The following SPATA17 variants were observed in gnomAD, a reference collection of about 807,000 sequenced individuals.
SPATA17 encodes spermatogenesis-associated protein 17.
A neutral mutation model predicts 62.2 loss-of-function variants in SPATA17; 53 were observed. That is an observed-to-expected ratio of 0.85 (90% CI 0.68 to 1.07). The LOEUF is 1.07. Among genes scored for constraint, SPATA17 ranks in the 50% least tolerant of loss-of-function variants. The pLI, the probability that SPATA17 is intolerant of heterozygous loss-of-function variation, is 0.00. For missense variants in SPATA17, 466 were observed against 425.5 expected (o/e 1.10, Z -0.84); for synonymous variants, 146 against 146.8 (o/e 0.99, Z 0.04).
intron 6 of SPATA17, among the ~76,000 whole-genome samples, chr1:217,772,899 A>G (rs1292322177): frequency 6.6e-6 from 1 of 152,194 alleles, no homozygotes; most frequent in Non-Finnish European, 1.5e-5. Context: ...CATTTGGTAT[A>G]GGACACTGCG....
At chr1:217,794,791 C>T (rs1028767532) in intron 8 of SPATA17, among the ~76,000 whole-genome samples, 1 of 152,298 alleles carries the variant, frequency 6.6e-6, no homozygotes, top group East Asian at 1.9e-4. Context: ...AGCTTCTCAA[C>T]AACAGAGCCC....
chr1:217,784,713 G>T (rs1673816555), intron 8 of SPATA17, among the ~76,000 whole-genome samples: 1 of 152,092 alleles, frequency 6.6e-6, no homozygotes, highest in Admixed American at 6.6e-5. Context: ...ATGTAATTCT[G>T]CATTTAAGAC....
At chr1:217,730,549 A>G (rs1444303913) in intron 5 of SPATA17, among the ~76,000 whole-genome samples, 5 of 152,118 alleles carry the variant, frequency 3.3e-5, no homozygotes, top group Non-Finnish European at 7.4e-5. Context: ...TTGTTTTCAA[A>G]TACAAAAAAG....
chr1:217,803,634 T>C (rs1411764739), intron 9 of SPATA17, among the ~76,000 whole-genome samples: 2 of 152,212 alleles, frequency 1.3e-5, no homozygotes, highest in African/African-American at 4.8e-5. Context: ...AAAAATTTAA[T>C]ATTGTTAAAA....
At position 217,782,171 on chromosome 1, in the gene SPATA17, CA is replaced by C. The variant is rs1425730255; in HGVS notation, c.724-2del. ...AAATATGTTCCTCATCCTGTCTTGT[CA>C]GGGGCCCTTCCGAGATATCACCGAA... On this transcript the variant is annotated splice_acceptor_variant, in intron 7 of 10. Transcript: ENST00000366933. LOFTEE classifies it high-confidence loss of function. The C allele has an allele frequency of 3.2e-6, 5 of 1,584,760 alleles. No individual in the cohort carries two copies. The highest frequency in any genetic ancestry group is 4.3e-6 in the Non-Finnish European group (5 of 1,168,320).
intron 7 of SPATA17, among the ~76,000 whole-genome samples, chr1:217,775,519 A>G (rs1673567049): frequency 6.6e-6 from 1 of 152,156 alleles, no homozygotes; most frequent in Non-Finnish European, 1.5e-5. Context: ...CCTGGACAAC[A>G]TGGTGAAACC....
chr1:217,744,900 G>A (rs1672712193), intron 6 of SPATA17, among the ~76,000 whole-genome samples: 1 of 152,152 alleles, frequency 6.6e-6, no homozygotes, highest in African/African-American at 2.4e-5. Context: ...TAAATGTAAT[G>A]TATTTAAAGC....
chr1:217,675,295 C>T (rs1424819642), intron 4 of SPATA17, among the ~76,000 whole-genome samples: 2 of 152,152 alleles, frequency 1.3e-5, no homozygotes, highest in Non-Finnish European at 2.9e-5. Context: ...CAGCTGAATG[C>T]CCTGCAATTC....
intron 9 of SPATA17, among the ~76,000 whole-genome samples, chr1:217,847,058 A>G (rs1339819959): frequency 6.6e-6 from 1 of 152,008 alleles, no homozygotes; most frequent in Admixed American, 6.6e-5. Context: ...TATTCAAGAA[A>G]TTATTTTTCT....
intron 9 of SPATA17, among the ~76,000 whole-genome samples, chr1:217,810,859 C>A (rs1030785025): frequency 6.6e-6 from 1 of 152,002 alleles, no homozygotes; most frequent in African/African-American, 2.4e-5. Context: ...TGAGAACTCA[C>A]TCACTGTCAC....
chr1:217,666,345 G>A (rs1670694122), intron 3 of SPATA17, among the ~76,000 whole-genome samples: 1 of 151,954 alleles, frequency 6.6e-6, no homozygotes, highest in South Asian at 2.1e-4. Flanking sequence ...AATTTTTTAA[G>A]AACTAGAGCC....
intron 6 of SPATA17, among the ~76,000 whole-genome samples, chr1:217,757,202 A>G (rs1673066964): frequency 6.6e-6 from 1 of 152,182 alleles, no homozygotes; most frequent in Admixed American, 6.5e-5. Context: ...CAATACATAA[A>G]TCCCCTTTTT....
intron 9 of SPATA17, among the ~76,000 whole-genome samples, chr1:217,814,203 G>A (rs1674661913): frequency 6.6e-6 from 1 of 152,150 alleles, no homozygotes; most frequent in African/African-American, 2.4e-5. Flanking sequence ...TCATTTAAGT[G>A]ATGAACAAAC....
intron 9 of SPATA17, among the ~76,000 whole-genome samples, chr1:217,848,158 A>C (rs1437703341): frequency 6.6e-6 from 1 of 152,204 alleles, no homozygotes; most frequent in Non-Finnish European, 1.5e-5. Context: ...TTATTGATAT[A>C]AAAGTTAAAA....
At chr1:217,715,904 T>C (rs886683748) in intron 5 of SPATA17, among the ~76,000 whole-genome samples, 1 of 152,234 alleles carries the variant, frequency 6.6e-6, no homozygotes, top group African/African-American at 2.4e-5. Flanking sequence ...TGTTAAATGC[T>C]GTCTTTGTAG....
intron 6 of SPATA17, among the ~76,000 whole-genome samples, chr1:217,766,001 T>C (rs1439596428): frequency 6.6e-6 from 1 of 151,986 alleles, no homozygotes; most frequent in Non-Finnish European, 1.5e-5. Context: ...ATTATTGTTA[T>C]CCTGGTATAT....
At chr1:217,776,860 G>T (rs767210790) in intron 7 of SPATA17, among the ~76,000 whole-genome samples, 1 of 151,902 alleles carries the variant, frequency 6.6e-6, no homozygotes, top group Non-Finnish European at 1.5e-5. Flanking sequence ...TCACAACATG[G>T]TAACTCATTT....
intron 9 of SPATA17, among the ~76,000 whole-genome samples, chr1:217,850,174 A>C (rs1355434496): frequency 6.6e-6 from 1 of 152,186 alleles, no homozygotes; most frequent in African/African-American, 2.4e-5. Flanking sequence ...AATAATTTCA[A>C]AGTACAGTCG....
intron 4 of SPATA17, among the ~76,000 whole-genome samples, chr1:217,677,521 A>G (rs1306006956): frequency 6.6e-6 from 1 of 152,058 alleles, no homozygotes; most frequent in East Asian, 1.9e-4. Flanking sequence ...TATATGCTAG[A>G]CATTATGTTA....
Sources: allele counts gnomAD v4.1 joint callset (sites outside exome capture counted in the v4.1 genomes callset), GRCh38; gene constraint gnomAD v4.1.1; transcripts MANE v1.5; gene names NCBI Gene and HGNC (gene_info 2026-07-23, HGNC 2026-07-21).